FARS2: variants seen among roughly 807,000 people sequenced by gnomAD.
The protein encoded by FARS2 is phenylalanine--tRNA ligase, mitochondrial.
Under a neutral mutation model 46.4 loss-of-function variants are expected in FARS2, and 40 were observed. That is an observed-to-expected ratio of 0.86 (90% confidence interval 0.67 to 1.12). The LOEUF (loss-of-function observed/expected upper bound fraction) is 1.12, where lower values mean the gene tolerates loss of function less well. FARS2 is among the 50% of genes most tolerant of loss of function. FARS2 has a pLI of 0.00. For synonymous variants in FARS2, 234 were observed against 214.9 expected, an observed-to-expected ratio of 1.09 and a Z score of -0.78; for missense variants, 513 against 567.9, an observed-to-expected ratio of 0.90 and a Z score of 0.98.
At chr6:5,615,749 G>C (rs1170020296) in intron 6 of FARS2, among the ~76,000 whole-genome samples, 1 of 152,090 alleles carries the variant, frequency 6.6e-6, no homozygotes, top group African/African-American at 2.4e-5. Flanking sequence ...AGACTAGGGG[G>C]AGGTTGAGGG....
At chr6:5,534,055 C>T (rs1770031334) in intron 4 of FARS2, among the ~76,000 whole-genome samples, 1 of 152,162 alleles carries the variant, frequency 6.6e-6, no homozygotes, top group Non-Finnish European at 1.5e-5. Context: ...GACACCCTAT[C>T]ATTGCTGTTC....
intron 1 of FARS2, among the ~76,000 whole-genome samples, chr6:5,287,544 G>A (rs1005484781): frequency 2.0e-5 from 3 of 152,072 alleles, no homozygotes; most frequent in South Asian, 2.1e-4. Context: ...GGCCTGGTGC[G>A]AGCCCAATGA....
chr6:5,558,492 A>G (rs1278391056), intron 5 of FARS2, among the ~76,000 whole-genome samples: 1 of 152,052 alleles, frequency 6.6e-6, no homozygotes, highest in African/African-American at 2.4e-5. Flanking sequence ...AATGAATTAC[A>G]TGTTTTCTTT....
upstream of FARS2, among the ~76,000 whole-genome samples, chr6:5,256,467 G>A: frequency 8.8e-6 from 1 of 113,104 alleles, no homozygotes; most frequent in East Asian, 2.8e-4. Flanking sequence ...TCCAGCCTGG[G>A]CAACAAGGGC....
chr6:5,281,286 T>TA (rs760145857), intron 1 of FARS2, among the ~76,000 whole-genome samples: 3 of 152,236 alleles, frequency 2.0e-5, no homozygotes, highest in Non-Finnish European at 2.9e-5. Context: ...TAAACTTTAA[T>TA]AATTCATGTA....
intron 4 of FARS2, among the ~76,000 whole-genome samples, chr6:5,468,598 A>G (rs1298050421): frequency 1.3e-5 from 2 of 152,254 alleles, no homozygotes; most frequent in Non-Finnish European, 2.9e-5. Flanking sequence ...CATTTCATTC[A>G]TAAAAGGTAA....
intron 6 of FARS2, 79 bp from the exon 7 acceptor site, chr6:5,771,212 G>A (rs538633917): frequency 7.5e-5 from 118 of 1,562,952 alleles, no homozygotes; most frequent in Non-Finnish European, 1.0e-4. Context: ...GGGGAGATCT[G>A]GCCAGGGCAA....
At chr6:5,768,609 C>G (rs552833643) in intron 6 of FARS2, among the ~76,000 whole-genome samples, 1 of 152,288 alleles carries the variant, frequency 6.6e-6, no homozygotes, top group Non-Finnish European at 1.5e-5. Flanking sequence ...TCTAAACAGG[C>G]CCTGATTTCT....
intron 6 of FARS2, among the ~76,000 whole-genome samples, chr6:5,689,769 T>C (rs1026384728): frequency 1.3e-5 from 2 of 152,222 alleles, no homozygotes; most frequent in African/African-American, 4.8e-5. Flanking sequence ...ACTTCCTGTC[T>C]CGTTGATCTG....
chr6:5,710,356 T>C (rs1759065338), intron 6 of FARS2, among the ~76,000 whole-genome samples: 1 of 152,178 alleles, frequency 6.6e-6, no homozygotes, highest in Admixed American at 6.5e-5. Context: ...CTTTGTGTAG[T>C]AAATGTTGGA....
intron 5 of FARS2, among the ~76,000 whole-genome samples, chr6:5,582,135 G>A (rs1284152682): frequency 2.9e-5 from 4 of 136,150 alleles, no homozygotes; most frequent in African/African-American, 8.4e-5. Context: ...ACATACTTCC[G>A]GTTAATTCCT....
intron 6 of FARS2, among the ~76,000 whole-genome samples, chr6:5,677,805 T>C (rs533637149): frequency 2.0e-4 from 31 of 152,324 alleles, no homozygotes; most frequent in African/African-American, 7.0e-4. Flanking sequence ...GTTTGCTGAC[T>C]TGATTGTGAA....
chr6:5,269,864 T>C (rs891624807), intron 1 of FARS2, among the ~76,000 whole-genome samples: 1 of 152,066 alleles, frequency 6.6e-6, no homozygotes. Flanking sequence ...TCTTTGGTAT[T>C]ATAGTGAATT....
intron 4 of FARS2, among the ~76,000 whole-genome samples, chr6:5,530,988 C>G (rs920423967): frequency 2.0e-5 from 3 of 151,126 alleles, no homozygotes; most frequent in Non-Finnish European, 4.4e-5. Flanking sequence ...AAATACAGGG[C>G]TGCTGATCTC....
At chr6:5,417,656 G>A (rs975319495) in intron 3 of FARS2, among the ~76,000 whole-genome samples, 33 of 152,030 alleles carry the variant, frequency 2.2e-4, no homozygotes, top group South Asian at 6.2e-4. Flanking sequence ...TCTCTGAGTC[G>A]TTTTGCAATG....
chr6:5,702,898 G>A (rs1294244423), intron 6 of FARS2, among the ~76,000 whole-genome samples: 1 of 152,080 alleles, frequency 6.6e-6, no homozygotes, highest in African/African-American at 2.4e-5. Context: ...GTACCCCCTG[G>A]GATGTCACTG....
intron 4 of FARS2, among the ~76,000 whole-genome samples, chr6:5,431,968 T>A (rs952323884): frequency 0.045 from 1 of 22 alleles, no homozygotes; most frequent in Admixed American, 0.25. Flanking sequence ...CTGAATGTAA[T>A]ACTTTTTTGA....
chr6:5,460,643 A>T (rs990519798), intron 4 of FARS2, among the ~76,000 whole-genome samples: 1 of 152,144 alleles, frequency 6.6e-6, no homozygotes, highest in African/African-American at 2.4e-5. Context: ...CAGTCCAAGG[A>T]TCAGAACCTT....
intron 6 of FARS2, among the ~76,000 whole-genome samples, chr6:5,681,359 T>C (rs530810776): frequency 6.6e-6 from 1 of 152,320 alleles, no homozygotes; most frequent in East Asian, 1.9e-4. Context: ...AAGAGAAGAA[T>C]ATGTGACCTA....
Sources: gnomAD v4.1 joint callset for allele counts (sites outside exome capture counted in the v4.1 genomes callset) on GRCh38, gnomAD v4.1.1 for gene constraint, MANE v1.5 for transcripts, NCBI Gene and HGNC (gene_info 2026-07-23, HGNC 2026-07-21) for gene names.